Variants in PKIB observed in about 807,000 individuals in gnomAD.
PKIB encodes cAMP-dependent protein kinase inhibitor beta.
In PKIB, 2 loss-of-function variants were observed where a neutral mutation model predicts 4.5. The observed-to-expected ratio is 0.44, with a 90% CI of 0.18 to 1.39. The LOEUF is 1.39. PKIB is among the 40% of genes most tolerant of loss of function. The pLI, the probability that PKIB is intolerant of heterozygous loss-of-function variation, is 0.27. For synonymous variants in PKIB, 38 were observed against 36.0 expected, an observed-to-expected ratio of 1.06 and a Z score of -0.20; for missense variants, 94 against 92.6, an observed-to-expected ratio of 1.02 and a Z score of -0.06.
At chr6:122,543,318 A>G (rs1264117864) in intron 2 of PKIB, among the ~76,000 whole-genome samples, 3 of 150,338 alleles carry the variant, frequency 2.0e-5, no homozygotes, top group African/African-American at 4.9e-5. Context: ...TGTAGACAGG[A>G]GCTGTTCCTA....
chr6:122,680,239 G>A (rs949685193), intron 3 of PKIB, among the ~76,000 whole-genome samples: 1 of 152,264 alleles, frequency 6.6e-6, no homozygotes, highest in African/African-American at 2.4e-5. Flanking sequence ...CCATTTTTAC[G>A]CTTAGGTTCA....
Position 122,725,440 on chromosome 6 carries a change from A to G in PKIB, c.*245A>G, listed in dbSNP as rs1161816951. ...AGGAAAAGGTTAAGAATAATACATG[A>G]TCACAGAAATGCATACCACTGTCTG... On this transcript the variant is annotated 3_prime_UTR_variant, in exon 5 of 5. Coordinates refer to ENST00000368452, the MANE Select transcript of PKIB (RefSeq NM_181795.3). 1 of 429,248 alleles carries G rather than the reference A, an allele frequency of 2.3e-6. No individual in the cohort carries two copies. The highest frequency in any genetic ancestry group is 3.6e-5 in the East Asian group (1 of 28,018). The allele number at this position is 429,248 out of a possible 1,614,324, so 26.6% of individuals were successfully genotyped here.
intron 3 of PKIB, among the ~76,000 whole-genome samples, chr6:122,591,214 ACACACC>A (rs948559948): frequency 4.7e-5 from 7 of 148,696 alleles, no homozygotes; most frequent in East Asian, 2.1e-4. Context: ...ACACACACAC[ACACACC>A]CCCCACATAC....
At chr6:122,595,847 G>C (rs1774161804) in intron 3 of PKIB, among the ~76,000 whole-genome samples, 1 of 152,186 alleles carries the variant, frequency 6.6e-6, no homozygotes, top group South Asian at 2.1e-4. Context: ...AAAAGGCTGA[G>C]TGGTGTCCAC....
At chr6:122,498,557 A>T (rs1429130856) in intron 2 of PKIB, among the ~76,000 whole-genome samples, 1 of 152,244 alleles carries the variant, frequency 6.6e-6, no homozygotes, top group Non-Finnish European at 1.5e-5. Flanking sequence ...AATCTCTGGG[A>T]TGCAGCAAAA....
intron 2 of PKIB, chr6:122,479,865 C>T (rs1039155046): frequency 2.6e-5 from 4 of 152,002 alleles, no homozygotes; most frequent in East Asian, 3.9e-4. Flanking sequence ...ATGCCAGTGC[C>T]GGTATTGACT....
chr6:122,522,823 G>A (rs544369927), intron 2 of PKIB, among the ~76,000 whole-genome samples: 1 of 152,216 alleles, frequency 6.6e-6, no homozygotes, highest in Non-Finnish European at 1.5e-5. Flanking sequence ...CATTGATCTC[G>A]CTGGGAGCTG....
At chr6:122,508,397 A>G (rs1022615965) in intron 2 of PKIB, among the ~76,000 whole-genome samples, 3 of 152,164 alleles carry the variant, frequency 2.0e-5, no homozygotes, top group Non-Finnish European at 4.4e-5. Context: ...GGCACTGAGG[A>G]CAATGTTGTA....
In PKIB at chr6:122,596,840, A is replaced by G. The variant is rs1384736155; in HGVS notation, c.-161+10833A>G. 2.0e-5 allele frequency among the ~76,000 whole-genome samples: 3 copies of G among 152,164 alleles called. No homozygotes were observed. In the East Asian group the frequency reaches 5.8e-4, roughly 29 times the overall value. ...CAAAGCAGATTGCACAGCAGCCTGG[A>G]CCTGTTGCAGAGCCTTCTCCTGTTC... On this transcript the variant is annotated intron_variant, in intron 3 of 6. Transcript: ENST00000392491.
intron 1 of PKIB, among the ~76,000 whole-genome samples, chr6:122,611,188 C>A (rs1255615051): frequency 6.6e-6 from 1 of 152,190 alleles, no homozygotes; most frequent in East Asian, 1.9e-4. Flanking sequence ...GAGCGGAGGG[C>A]CTGTGTTCCG....
At chr6:122,544,542 G>T (rs1029132338) in intron 2 of PKIB, among the ~76,000 whole-genome samples, 5 of 151,938 alleles carry the variant, frequency 3.3e-5, no homozygotes, top group African/African-American at 1.2e-4. Context: ...AACCTGGAGG[G>T]GTGTTTTGAG....
chr6:122,572,734 C>A (rs1773408333), intron 2 of PKIB, among the ~76,000 whole-genome samples: 1 of 149,824 alleles, frequency 6.7e-6, no homozygotes, highest in Non-Finnish European at 1.5e-5. Context: ...GTGAGATTAA[C>A]CAAGAAAAGA....
At chr6:122,643,962 G>T (rs1403294449) in intron 2 of PKIB, 1 of 152,016 alleles carries the variant, frequency 6.6e-6, no homozygotes, top group African/African-American at 2.4e-5. Context: ...TGTGGGTATG[G>T]TTGCTGTAGT....
At chr6:122,715,715 A>G (rs1779463408) in intron 3 of PKIB, among the ~76,000 whole-genome samples, 1 of 151,604 alleles carries the variant, frequency 6.6e-6, no homozygotes, top group Non-Finnish European at 1.5e-5. Flanking sequence ...ATATATGTAT[A>G]TACACATATT....
intron 2 of PKIB, among the ~76,000 whole-genome samples, chr6:122,564,449 G>T (rs1773123535): frequency 6.6e-6 from 1 of 152,172 alleles, no homozygotes; most frequent in African/African-American, 2.4e-5. Flanking sequence ...CTTTGTGTTT[G>T]TCTGTCAGTC....
chr6:122,554,024 A>AT (rs2114660640), intron 2 of PKIB, among the ~76,000 whole-genome samples: 2 of 152,338 alleles, frequency 1.3e-5, no homozygotes, highest in South Asian at 4.1e-4. Context: ...ATTTGCATTT[A>AT]TAGGTCAACA....
chr6:122,595,322 C>T (rs1774145779), intron 3 of PKIB, among the ~76,000 whole-genome samples: 1 of 152,184 alleles, frequency 6.6e-6, no homozygotes, highest in African/African-American at 2.4e-5. Flanking sequence ...GACCATTCCC[C>T]TGTTCTATCA....
chr6:122,515,149 T>A (rs1324095943), intron 2 of PKIB, among the ~76,000 whole-genome samples: 1 of 152,212 alleles, frequency 6.6e-6, no homozygotes, highest in East Asian at 1.9e-4. Flanking sequence ...TATTCAACCC[T>A]ATTACACAAT....
At chr6:122,621,549 G>T (rs1775229341) in intron 1 of PKIB, among the ~76,000 whole-genome samples, 2 of 152,180 alleles carry the variant, frequency 1.3e-5, no homozygotes, top group African/African-American at 4.8e-5. Context: ...TGATGCTATT[G>T]TTAGATCTTG....
Sources: allele counts gnomAD v4.1 joint callset (sites outside exome capture counted in the v4.1 genomes callset), GRCh38; gene constraint gnomAD v4.1.1; transcripts MANE v1.5; gene names NCBI Gene and HGNC (gene_info 2026-07-23, HGNC 2026-07-21).